ARHGAP10: variants seen among roughly 807,000 people sequenced by gnomAD.
ARHGAP10 encodes the protein Rho GTPase activating protein 10, also known as rho GTPase-activating protein 10.
ARHGAP10 carries 87 observed loss-of-function variants against 108.6 expected under a neutral mutation model. The ratio of observed to expected loss-of-function variants is 0.80; its 90% CI spans 0.67 to 0.96. The LOEUF (loss-of-function observed/expected upper bound fraction) is 0.96, where lower values mean the gene tolerates loss of function less well. ARHGAP10 is among the 40% of genes least tolerant of loss of function. The pLI is 0.00. For missense variants in ARHGAP10, 939 were observed against 954.5 expected (o/e 0.98, Z 0.21); for synonymous variants, 347 against 341.1 (o/e 1.02, Z -0.19).
At chr4:147,783,045 CTA>C (rs978609959) in intron 1 of ARHGAP10, among the ~76,000 whole-genome samples, 9 of 135,226 alleles carry the variant, frequency 6.7e-5, no homozygotes, top group Admixed American at 2.3e-4. Flanking sequence ...AAATTATATA[CTA>C]TATGTTAAAT....
intron 3 of ARHGAP10, among the ~76,000 whole-genome samples, chr4:147,832,419 T>A (rs7670230): frequency 2.0e-5 from 3 of 150,714 alleles, no homozygotes; most frequent in Admixed American, 2.0e-4. Context: ...GAGGCCGAGG[T>A]GGGTGGATCT....
intron 1 of ARHGAP10, among the ~76,000 whole-genome samples, chr4:147,812,582 C>T (rs571881848): frequency 6.6e-5 from 10 of 152,174 alleles, no homozygotes; most frequent in Non-Finnish European, 1.0e-4. Context: ...GCCCATAAAG[C>T]CTTTTCCCCA....
chr4:147,974,513 G>A (rs773363781), intron 18 of ARHGAP10, among the ~76,000 whole-genome samples: 1 of 152,074 alleles, frequency 6.6e-6, no homozygotes, highest in Non-Finnish European at 1.5e-5. Context: ...GGAATATAAT[G>A]TTACTCTCAG....
At chr4:147,854,880 T>C in intron 4 of ARHGAP10, 1 of 985,232 alleles carries the variant, frequency 1.0e-6, no homozygotes, top group African/African-American at 1.7e-5. Context: ...CTTGGCTAAA[T>C]TCTTTCTTCA....
rs1728244455 is a variant in ARHGAP10, at chr4:147,732,292, C to A, written c.-10C>A. ...GCGGCCGTGCGCACCGCGCAGCGACCGCTGCCGTCATGGGGCTGCAGCCCC... is the reference window on the plus strand; with the variant it reads ...GCGGCCGTGCGCACCGCGCAGCGACAGCTGCCGTCATGGGGCTGCAGCCCC... On this transcript the variant is annotated 5_prime_UTR_variant, in exon 1 of 23. Coordinates refer to ENST00000336498, the MANE Select transcript of ARHGAP10 (RefSeq NM_024605.4). 1.2e-6 allele frequency: 2 copies of A among 1,601,908 alleles called. No individual in the cohort carries two copies. Among genetic ancestry groups the A allele is most frequent in the Non-Finnish European group, 1.7e-6 (2 of 1,174,854 alleles).
chr4:147,903,148 G>A (rs752016941), intron 10 of ARHGAP10, among the ~76,000 whole-genome samples: 50 of 152,314 alleles, frequency 3.3e-4, no homozygotes, highest in Middle Eastern at 3.4e-3. Context: ...CTGGACCCCA[G>A]TCTGCCTCCA....
chr4:147,780,728 A>G lies in ARHGAP10; in HGVS notation c.155-41999A>G, dbSNP rs532883983. Among the ~76,000 whole-genome samples, 67 of 152,246 alleles carry G rather than the reference A, an allele frequency of 4.4e-4. No homozygotes were observed. In the South Asian group the frequency reaches 0.012, roughly 28 times the overall value. The stretch of plus-strand genomic sequence containing the variant: ...AAGCCTGCCTCATCTTGTGGGTGGT[A>G]TAAGCAGGGCAGCAGCCATGGGGTG... On this transcript the variant is annotated intron_variant, in intron 1 of 22. Coordinates refer to ENST00000336498, the MANE Select transcript of ARHGAP10 (RefSeq NM_024605.4).
At chr4:147,860,128 C>T (rs2126836745) in intron 5 of ARHGAP10, among the ~76,000 whole-genome samples, 1 of 152,328 alleles carries the variant, frequency 6.6e-6, no homozygotes, top group East Asian at 1.9e-4. Context: ...AATTCATTCT[C>T]TCCTCTTGCT....
At chr4:147,925,217 AAC>A (rs1250884076) in intron 13 of ARHGAP10, among the ~76,000 whole-genome samples, 1 of 152,168 alleles carries the variant, frequency 6.6e-6, no homozygotes, top group Non-Finnish European at 1.5e-5. Context: ...AAGCCAAACA[AAC>A]ACCACAAAAC....
chr4:147,821,769 C>T (rs1018657020), intron 1 of ARHGAP10, among the ~76,000 whole-genome samples: 1 of 152,204 alleles, frequency 6.6e-6, no homozygotes, highest in Non-Finnish European at 1.5e-5. Flanking sequence ...AGGAGACACA[C>T]AGGAAGACAG....
chr4:147,784,736 A>G (rs1432752008), intron 1 of ARHGAP10, among the ~76,000 whole-genome samples: 1 of 23,238 alleles, frequency 4.3e-5, no homozygotes, highest in African/African-American at 6.5e-5. Flanking sequence ...TATAAAATAT[A>G]TATTATAAAT....
intron 22 of ARHGAP10, among the ~76,000 whole-genome samples, chr4:148,070,974 T>C (rs1278355098): frequency 6.6e-6 from 1 of 152,192 alleles, no homozygotes; most frequent in Non-Finnish European, 1.5e-5. Context: ...TCGTTGAGTA[T>C]CACGTGAATA....
chr4:147,893,655 T>C (rs2126889063), intron 10 of ARHGAP10, among the ~76,000 whole-genome samples: 1 of 150,718 alleles, frequency 6.6e-6, no homozygotes, highest in South Asian at 2.1e-4. Flanking sequence ...TAGTTTAATT[T>C]GGTTATAGTA....
intron 1 of ARHGAP10, among the ~76,000 whole-genome samples, chr4:147,790,551 T>C (rs1397075573): frequency 2.6e-5 from 4 of 152,220 alleles, no homozygotes; most frequent in Non-Finnish European, 5.9e-5. Flanking sequence ...ATAATTCGAC[T>C]TTTTTCTACC....
intron 16 of ARHGAP10, among the ~76,000 whole-genome samples, chr4:147,964,743 A>G (rs1387428248): frequency 6.6e-6 from 1 of 152,226 alleles, no homozygotes; most frequent in Non-Finnish European, 1.5e-5. Flanking sequence ...GGAGAAGCTT[A>G]GCAGCTGTCC....
intron 19 of ARHGAP10, among the ~76,000 whole-genome samples, chr4:148,038,788 C>T (rs2149674824): frequency 6.6e-6 from 1 of 152,316 alleles, no homozygotes; most frequent in South Asian, 2.1e-4. Flanking sequence ...TGTGCTCACC[C>T]TCCGCTGGTG....
At chr4:147,833,175 T>A (rs1415402650) in intron 3 of ARHGAP10, among the ~76,000 whole-genome samples, 1 of 152,158 alleles carries the variant, frequency 6.6e-6, no homozygotes, top group African/African-American at 2.4e-5. Context: ...GGTGATACGG[T>A]TTGGCTCTGT....
At chr4:147,997,011 C>T (rs952379686) in intron 18 of ARHGAP10, among the ~76,000 whole-genome samples, 33 of 152,314 alleles carry the variant, frequency 2.2e-4, no homozygotes, top group African/African-American at 7.7e-4. Flanking sequence ...TCTGTCATAG[C>T]AGCCCCAGCC....
intron 3 of ARHGAP10, among the ~76,000 whole-genome samples, chr4:147,843,067 ACT>A: frequency 6.6e-6 from 1 of 151,956 alleles, no homozygotes; most frequent in South Asian, 2.1e-4. Flanking sequence ...TTTGGTAGCA[ACT>A]CTCAGCTTTT....
Sources: gnomAD v4.1 joint callset for allele counts (sites outside exome capture counted in the v4.1 genomes callset) on GRCh38, gnomAD v4.1.1 for gene constraint, MANE v1.5 for transcripts, NCBI Gene and HGNC (gene_info 2026-07-23, HGNC 2026-07-21) for gene names.